GATAD2A: variants seen among roughly 807,000 people sequenced by gnomAD.
GATAD2A encodes the protein transcriptional repressor p66-alpha.
GATAD2A carries 12 observed loss-of-function variants against 68.5 expected under a neutral mutation model. That is an observed-to-expected ratio of 0.18 (90% confidence interval 0.11 to 0.28). The LOEUF (loss-of-function observed/expected upper bound fraction) is 0.28. Ranked by LOEUF, GATAD2A falls within the 10% of genes least tolerant of loss-of-function variation. The probability of loss-of-function intolerance (pLI) is 1.00; values close to 1 mark genes in which losing one functional copy is unlikely to be tolerated. For missense variants in GATAD2A, 755 were observed against 868.5 expected (o/e 0.87, Z 1.64); for synonymous variants, 410 against 375.3 (o/e 1.09, Z -1.07).
At chr19:19,412,918 G>A (rs552623795) in intron 1 of GATAD2A, among the ~76,000 whole-genome samples, 54 of 152,144 alleles carry the variant, frequency 3.5e-4, no homozygotes, top group Admixed American at 5.9e-4. Flanking sequence ...GTTTATCAGA[G>A]GTAACCCCAT....
chr19:19,417,191 G>T (rs1371094378), intron 1 of GATAD2A, among the ~76,000 whole-genome samples: 1 of 152,222 alleles, frequency 6.6e-6, no homozygotes. Flanking sequence ...TAGGAGATGT[G>T]TTGCTGGCTG....
intron 2 of GATAD2A, among the ~76,000 whole-genome samples, chr19:19,468,034 C>G (rs1278621902): frequency 1.3e-5 from 2 of 152,180 alleles, no homozygotes; most frequent in Non-Finnish European, 2.9e-5. Flanking sequence ...AGGAGATTGG[C>G]AGAATTGACA....
At chr19:19,452,296 C>T (rs2056476283) in intron 1 of GATAD2A, among the ~76,000 whole-genome samples, 2 of 152,170 alleles carry the variant, frequency 1.3e-5, no homozygotes, top group South Asian at 4.1e-4. Context: ...TCCCACAGCC[C>T]AGGTGGGGCC....
chr19:19,390,281 T>C (rs2048751278), intron 1 of GATAD2A, among the ~76,000 whole-genome samples: 2 of 151,592 alleles, frequency 1.3e-5, no homozygotes, highest in South Asian at 4.2e-4. Context: ...TGATGGGAGG[T>C]GCTTACTAGA....
At chr19:19,386,483 C>T (rs1248667550) in intron 1 of GATAD2A, among the ~76,000 whole-genome samples, 1 of 151,498 alleles carries the variant, frequency 6.6e-6, no homozygotes, top group Non-Finnish European at 1.5e-5. Flanking sequence ...CGACCCCCAC[C>T]TTTCTAGGGG....
chr19:19,471,540 T>C (rs913925803), intron 2 of GATAD2A, among the ~76,000 whole-genome samples: 9 of 152,158 alleles, frequency 5.9e-5, no homozygotes, highest in African/African-American at 2.2e-4. Flanking sequence ...GAGCAGTGAT[T>C]AACAACACAT....
chr19:19,468,637 AC>A (rs2058051642), intron 2 of GATAD2A, among the ~76,000 whole-genome samples: 2 of 152,240 alleles, frequency 1.3e-5, no homozygotes, highest in Non-Finnish European at 2.9e-5. Flanking sequence ...GACAATGGAA[AC>A]AAAAAGGAGT....
intron 2 of GATAD2A, 104 bp from the exon 3 acceptor site, chr19:19,492,202 G>A: frequency 1.7e-6 from 2 of 1,202,524 alleles, no homozygotes; most frequent in Non-Finnish European, 2.4e-6. Context: ...AGGGCAGACA[G>A]GGAACAGACG....
chr19:19,495,971 G>A, intron 6 of GATAD2A, 81 bp from the exon 7 acceptor site: 2 of 1,581,584 alleles, frequency 1.3e-6, no homozygotes, highest in Non-Finnish European at 1.7e-6. Context: ...GTCCTTGGGG[G>A]CAAGGTGCCC....
At chr19:19,432,087 T>A (rs770510079) in intron 1 of GATAD2A, among the ~76,000 whole-genome samples, 3 of 152,168 alleles carry the variant, frequency 2.0e-5, no homozygotes, top group Non-Finnish European at 2.9e-5. Context: ...GTGATTCTCG[T>A]GCCTCAGCCT....
intron 1 of GATAD2A, among the ~76,000 whole-genome samples, chr19:19,398,443 C>T (rs1392368822): frequency 1.5e-4 from 22 of 150,760 alleles, no homozygotes; most frequent in African/African-American, 5.1e-4. Context: ...TCAGGCGATC[C>T]GCTTGCCTCG....
At position 19,502,432 on chromosome 19, in the gene GATAD2A, C is replaced by T; in HGVS notation, c.1680C>T (p.Ala560=). The change falls in exon 11 of 12, where the codon GCC becomes GCT. Residue 560 remains alanine (A), a synonymous_variant. Coordinates refer to ENST00000683918, the MANE Select transcript of GATAD2A (RefSeq NM_001384528.1). The part of the protein sequence containing the change: ...PKLQNSASAT[A]LVSRTGRHSE... ...TGCAGAACTCAGCCTCGGCCACAGC[C>T]CTGGTCAGCAGGACCGGCAGACATT... 2 of 1,613,632 alleles carry T rather than the reference C, an allele frequency of 1.2e-6. No homozygotes were observed. The highest frequency in any genetic ancestry group is 2.2e-5 in the East Asian group (1 of 44,878).
intron 2 of GATAD2A, among the ~76,000 whole-genome samples, chr19:19,486,751 C>A (rs934188118): frequency 1.5e-4 from 23 of 152,198 alleles, no homozygotes; most frequent in Non-Finnish European, 3.2e-4. Flanking sequence ...GCTGCCTGAT[C>A]CCCCTGCAGC....
At chr19:19,480,509 G>A (rs546233045) in intron 2 of GATAD2A, among the ~76,000 whole-genome samples, 2 of 152,338 alleles carry the variant, frequency 1.3e-5, no homozygotes, top group Admixed American at 6.5e-5. Context: ...ATGCTCACGC[G>A]AGCGTTTCTC....
chr19:19,408,552 G>A (rs1023567440), intron 1 of GATAD2A, among the ~76,000 whole-genome samples: 17 of 152,000 alleles, frequency 1.1e-4, no homozygotes, highest in Non-Finnish European at 2.1e-4. Flanking sequence ...TTTTTAATGA[G>A]GAAACATGTT....
upstream of GATAD2A, among the ~76,000 whole-genome samples, chr19:19,404,806 C>G (rs539744072): frequency 2.6e-5 from 4 of 152,318 alleles, no homozygotes; most frequent in South Asian, 6.2e-4. Context: ...CACCACTCTT[C>G]AGGAGTCTAG....
chr19:19,437,417 A>AC (rs1325235890), intron 1 of GATAD2A, among the ~76,000 whole-genome samples: 1 of 152,210 alleles, frequency 6.6e-6, no homozygotes, highest in African/African-American at 2.4e-5. Context: ...GGCAAATTAC[A>AC]CTCAAAAAAA....
At chr19:19,430,617 G>C (rs2053614519) in intron 1 of GATAD2A, among the ~76,000 whole-genome samples, 1 of 152,150 alleles carries the variant, frequency 6.6e-6, no homozygotes, top group Admixed American at 6.5e-5. Flanking sequence ...CAGTGGGTCT[G>C]GGCCCAGGGA....
intron 1 of GATAD2A, among the ~76,000 whole-genome samples, chr19:19,462,811 C>A (rs996257151): frequency 3.3e-5 from 5 of 152,206 alleles, no homozygotes; most frequent in Non-Finnish European, 7.3e-5. Flanking sequence ...GCTGTCAGTT[C>A]CACCTTGTCC....
Sources: gnomAD v4.1 joint callset for allele counts (sites outside exome capture counted in the v4.1 genomes callset) on GRCh38, gnomAD v4.1.1 for gene constraint, MANE v1.5 for transcripts, NCBI Gene and HGNC (gene_info 2026-07-23, HGNC 2026-07-21) for gene names.